CAMK1D: variants seen among roughly 807,000 people sequenced by gnomAD.
CAMK1D encodes the protein calcium/calmodulin dependent protein kinase ID, also known as calcium/calmodulin-dependent protein kinase type 1D.
A neutral mutation model predicts 47.7 loss-of-function variants in CAMK1D; 9 were observed. The ratio of observed to expected loss-of-function variants is 0.19; its 90% CI spans 0.11 to 0.33. The LOEUF (loss-of-function observed/expected upper bound fraction) is 0.33. CAMK1D is among the 10% of genes least tolerant of loss of function. The probability of loss-of-function intolerance (pLI) is 1.00; values close to 1 mark genes in which losing one functional copy is unlikely to be tolerated. For missense variants in CAMK1D, 291 were observed against 488.7 expected (o/e 0.60, Z 3.81); for synonymous variants, 184 against 184.9 (o/e 0.99, Z 0.04).
At chr10:12,498,815 A>G (rs1373441993) in intron 1 of CAMK1D, among the ~76,000 whole-genome samples, 1 of 152,186 alleles carries the variant, frequency 6.6e-6, no homozygotes, top group Admixed American at 6.5e-5. Context: ...CTACTTCTTT[A>G]CATTCAAACT....
chr10:12,679,826 G>T (rs560086116), intron 3 of CAMK1D, among the ~76,000 whole-genome samples: 6 of 152,092 alleles, frequency 3.9e-5, no homozygotes, highest in Admixed American at 1.3e-4. Context: ...CCCAGCACCC[G>T]GGCATATCCC....
chr10:12,504,111 GTGTGTGTGTGTGTGTGTC>G (rs1834793154), intron 1 of CAMK1D, among the ~76,000 whole-genome samples: 1 of 140,848 alleles, frequency 7.1e-6, no homozygotes, highest in Non-Finnish European at 1.5e-5. Flanking sequence ...TAAGATGGGT[GTGTGTGTGTGTGTGTGTC>G]TGTGTGTGTG....
Position 12,553,508 on chromosome 10 carries a change from T to C in CAMK1D, c.224+152T>C, listed in dbSNP as rs960291223. ...ACGATAACCAACTTTCAAAGCACTT[T>C]TCCCATAGACCTCTCGTGTCTTAGA... On this transcript the variant is annotated intron_variant, in intron 2 of 10. Coordinates refer to ENST00000619168, the MANE Select transcript of CAMK1D (RefSeq NM_153498.4). 3 of 625,856 alleles carry C rather than the reference T, an allele frequency of 4.8e-6. No individual in the cohort carries two copies. The Admixed American group carries it at 8.6e-5, about 18-fold the overall frequency. The allele number at this position is 625,856 out of a possible 1,614,324, so 38.8% of individuals were successfully genotyped here.
intron 1 of CAMK1D, among the ~76,000 whole-genome samples, chr10:12,440,540 G>A (rs1474642654): frequency 3.9e-5 from 6 of 152,070 alleles, no homozygotes; most frequent in Non-Finnish European, 8.8e-5. Flanking sequence ...CGCCCACCTC[G>A]GCCTCCCAAA....
At chr10:12,478,545 A>G (rs555188418) in intron 1 of CAMK1D, among the ~76,000 whole-genome samples, 1 of 152,078 alleles carries the variant, frequency 6.6e-6, no homozygotes, top group South Asian at 2.1e-4. Flanking sequence ...GGCCCCAACG[A>G]GTCCCAGCAT....
chr10:12,461,247 G>A (rs149120785), intron 1 of CAMK1D, among the ~76,000 whole-genome samples: 264 of 152,328 alleles, frequency 1.7e-3, no homozygotes, highest in African/African-American at 5.1e-3. Context: ...TACATGTTCC[G>A]TGCTCTGCGT....
chr10:12,704,110 A>G (rs1268320449), intron 3 of CAMK1D, among the ~76,000 whole-genome samples: 1 of 152,202 alleles, frequency 6.6e-6, no homozygotes, highest in Non-Finnish European at 1.5e-5. Flanking sequence ...AAAAGACCCA[A>G]TTAGTGGAGT....
In CAMK1D at chr10:12,558,622, A is replaced by G. The variant is rs559753963; in HGVS notation, c.224+5266A>G. On this transcript the variant is annotated intron_variant, in intron 2 of 10. Coordinates refer to ENST00000619168, the MANE Select transcript of CAMK1D (RefSeq NM_153498.4). ...CTTTTGCAGGAGTAGAAAGGCAAAT[A>G]TATCAACAGTCTACATTTAAATGAG... is the stretch of plus-strand genomic sequence containing the variant. 3.6e-4 allele frequency among the ~76,000 whole-genome samples: 55 copies of G among 152,276 alleles called. 1 individual carries two copies. Among genetic ancestry groups the G allele is most frequent in the African/African-American group, 1.2e-3 (49 of 41,544 alleles).
At chr10:12,718,043 G>A (rs1470109030) in intron 3 of CAMK1D, among the ~76,000 whole-genome samples, 1 of 151,996 alleles carries the variant, frequency 6.6e-6, no homozygotes, top group Non-Finnish European at 1.5e-5. Context: ...TATTCACAAT[G>A]CTTAGGAGTT....
chr10:12,646,273 G>C (rs918265169), intron 2 of CAMK1D, among the ~76,000 whole-genome samples: 7 of 152,106 alleles, frequency 4.6e-5, no homozygotes, highest in Non-Finnish European at 8.8e-5. Flanking sequence ...CATAGCTTCT[G>C]TCTCACTTCT....
chr10:12,401,086 TTATATATATTATA>T (rs1236387138), intron 1 of CAMK1D, among the ~76,000 whole-genome samples: 160 of 73,968 alleles, frequency 2.2e-3, no homozygotes, highest in African/African-American at 8.9e-3. Context: ...AATATATGTA[TTATATATATTATA>T]TATATATTTT....
intron 3 of CAMK1D, among the ~76,000 whole-genome samples, chr10:12,711,193 G>A (rs1021196187): frequency 3.3e-5 from 5 of 152,184 alleles, no homozygotes; most frequent in African/African-American, 1.2e-4. Context: ...TGTTTCAGTC[G>A]CATAAGGTGA....
At chr10:12,416,399 C>G (rs1839852047) in intron 1 of CAMK1D, among the ~76,000 whole-genome samples, 1 of 152,086 alleles carries the variant, frequency 6.6e-6, no homozygotes, top group Admixed American at 6.6e-5. Flanking sequence ...CTTGTTTTTC[C>G]TGTCTTGATT....
At chr10:12,820,973 T>C (rs146079472) in intron 8 of CAMK1D, among the ~76,000 whole-genome samples, 111 of 152,340 alleles carry the variant, frequency 7.3e-4, no homozygotes, top group African/African-American at 2.4e-3. Flanking sequence ...TCTAGGCTCA[T>C]TGATAAGCAA....
At chr10:12,691,317 AG>A (rs1832868396) in intron 3 of CAMK1D, among the ~76,000 whole-genome samples, 1 of 143,100 alleles carries the variant, frequency 7.0e-6, no homozygotes, top group Non-Finnish European at 1.5e-5. Flanking sequence ...TGGACGAGAG[AG>A]GTTGGGTATC....
At chr10:12,640,237 C>T (rs531152309) in intron 2 of CAMK1D, among the ~76,000 whole-genome samples, 6 of 152,286 alleles carry the variant, frequency 3.9e-5, no homozygotes, top group African/African-American at 1.4e-4. Context: ...AGCTTGCCCC[C>T]ACCCCTTCTG....
intron 2 of CAMK1D, 37 bp downstream of exon 2, chr10:12,553,393 C>T (rs1308283488): frequency 1.3e-6 from 2 of 1,538,700 alleles, no homozygotes; most frequent in Admixed American, 1.7e-5. Flanking sequence ...CCTTCCCTAC[C>T]TCCTGGCCCG....
intron 2 of CAMK1D, among the ~76,000 whole-genome samples, chr10:12,562,543 A>G (rs1338808608): frequency 6.6e-6 from 1 of 152,152 alleles, no homozygotes; most frequent in Non-Finnish European, 1.5e-5. Context: ...CTCATTTGCA[A>G]ACGAGCCCCC....
intron 1 of CAMK1D, among the ~76,000 whole-genome samples, chr10:12,413,087 C>T (rs183056366): frequency 1.6e-4 from 25 of 152,070 alleles, no homozygotes; most frequent in African/African-American, 5.6e-4. Flanking sequence ...GGTAATTGAT[C>T]AAGAAAAGAG....
Sources: allele counts gnomAD v4.1 joint callset (sites outside exome capture counted in the v4.1 genomes callset), GRCh38; gene constraint gnomAD v4.1.1; transcripts MANE v1.5; gene names NCBI Gene and HGNC (gene_info 2026-07-23, HGNC 2026-07-21).